The following ARHGEF40 variants were observed in gnomAD, a reference collection of about 807,000 sequenced individuals.
The protein encoded by ARHGEF40 is Rho guanine nucleotide exchange factor (GEF) 40.
A neutral mutation model predicts 165.9 loss-of-function variants in ARHGEF40; 98 were observed. The observed-to-expected ratio is 0.59, with a 90% confidence interval of 0.50 to 0.70. ARHGEF40 has a LOEUF of 0.70. ARHGEF40 is among the 30% of genes least tolerant of loss of function. ARHGEF40 has a pLI of 0.00. For missense variants in ARHGEF40, 1,815 were observed against 1,968.0 expected (o/e 0.92, Z 1.47); for synonymous variants, 792 against 814.3 (o/e 0.97, Z 0.47).
Position 21,088,032 on chromosome 14 carries a change from AC to A in ARHGEF40, c.4459del (p.His1487ThrfsTer15). ...PGPRNSPSLQPPHPGSSTPTL... is the reference protein window; with the variant it reads ...PGPRNSPSLQXPHPGSSTPTL... ...GACCAAGAAACAGCCCCAGCCTGCA[AC>A]CCCCCCACCCTGGGAGCAGCACTCC... On this transcript the variant is annotated frameshift_variant, in exon 22 of 24. Coordinates refer to ENST00000298694, the MANE Select transcript of ARHGEF40 (RefSeq NM_018071.5). LOFTEE classifies it high-confidence loss of function. The A allele has an allele frequency of 1.9e-6, 3 of 1,612,902 alleles. No individual in the cohort carries two copies. Among genetic ancestry groups the A allele is most frequent in the South Asian group, 2.2e-5 (2 of 90,976 alleles).
chr14:21,078,818 C>T, intron 10 of ARHGEF40, 66 bp from the exon 11 acceptor site: 1 of 1,577,982 alleles, frequency 6.3e-7, no homozygotes, highest in Non-Finnish European at 8.7e-7. Flanking sequence ...CCCTCAGAGG[C>T]ACGGAAGGAC....
intron 11 of ARHGEF40, among the ~76,000 whole-genome samples, chr14:21,080,226 ACACACAC>A (rs1887776385): frequency 7.3e-6 from 1 of 137,666 alleles, no homozygotes; most frequent in African/African-American, 2.6e-5. Flanking sequence ...ACACACACAC[ACACACAC>A]ACACACACAC....
chr14:21,078,482 G>C lies in ARHGEF40; in HGVS notation c.2240G>C (p.Ser747Thr). 2 of 1,584,122 alleles carry C rather than the reference G, an allele frequency of 1.3e-6. No homozygotes were observed. Among genetic ancestry groups the C allele is most frequent in the Admixed American group, 3.5e-5 (2 of 56,672 alleles). The change falls in exon 10 of 24, where the codon AGC (serine) becomes ACC (threonine). Residue 747 changes from serine (S) to threonine (T), a missense_variant. Transcript: ENST00000298694. The part of the protein sequence containing the change: ...AILMRLRSTP[S>T]SKLEGQGPAT... ...CTGATGAGGCTGCGCTCCACTCCCAGCAGCAAGTACGAAGTATGGGTGTGC... is the reference window on the plus strand; with the variant it reads ...CTGATGAGGCTGCGCTCCACTCCCACCAGCAAGTACGAAGTATGGGTGTGC...
rs150111494 is a variant in ARHGEF40, at chr14:21,072,666, C to T, written c.4-379C>T. Among the ~76,000 whole-genome samples the T allele has an allele frequency of 3.3e-5, 5 of 152,158 alleles. No individual in the cohort carries two copies. The highest frequency in any genetic ancestry group is 2.1e-4 in the South Asian group (1 of 4,828). On this transcript the variant is annotated intron_variant, in intron 1 of 23. Transcript: ENST00000298694. The surrounding 1 kb of genome is among the most constrained non-coding windows in gnomAD (Gnocchi z 4.1). ...TGTGTGGAAATCTCCCTCATCCCCT[C>T]GAGTTCTCAGCCATAAGCTCAGTCC...
the ARHGEF40 span, among the ~76,000 whole-genome samples, chr14:21,062,812 G>T: frequency 4.0e-5 from 6 of 150,522 alleles, no homozygotes; most frequent in African/African-American, 1.5e-4. Context: ...TGCGATCTCA[G>T]CTCACTGCAA....
rs761805250 is a variant in ARHGEF40, at chr14:21,075,433, G to A, written c.1552G>A (p.Val518Ile). The A allele has an allele frequency of 1.6e-5, 26 of 1,614,112 alleles. No homozygotes were observed. Among genetic ancestry groups the A allele is most frequent in the African/African-American group, 2.7e-5 (2 of 74,938 alleles). The part of the protein sequence containing the change: ...GDNIPEEALA[V>I]SVSDHPDVAW... ...CAACATTCCAGAAGAGGCCCTTGCA[G>A]TCTCCGTCTCTGATCACCCTGATGT... Residue 518 changes from valine to isoleucine, a missense_variant, in exon 4 of 24, where the codon GTC (valine) becomes ATC (isoleucine). Transcript: ENST00000298694. The surrounding 1 kb of genome is among the most constrained non-coding windows in gnomAD (Gnocchi z 4.5).
chr14:21,081,064 C>A (rs1887853205), intron 13 of ARHGEF40, 48 bp downstream of exon 13: 1 of 1,575,130 alleles, frequency 6.3e-7, no homozygotes, highest in Non-Finnish European at 8.6e-7. Flanking sequence ...TCCATTTATT[C>A]ACTTCCTTTC....
At position 21,078,180 on chromosome 14, in the gene ARHGEF40, G is replaced by T. The variant is rs78341318; in HGVS notation, c.2038G>T (p.Val680Leu). The T allele has an allele frequency of 1.9e-6, 3 of 1,611,546 alleles. No homozygotes were observed. In the African/African-American group the frequency reaches 4.0e-5, roughly 22 times the overall value. ...CATCCCTGCATGTGGGTTTCAGGAA[G>T]TGGTAAGGCTATGTCGCCTGTGCCA... ...PSHWVEIHQE[V>L]VRLCRLCQGV... is the part of the protein sequence containing the mutation. Residue 680 changes from valine (V) to leucine (L), a missense_variant, in exon 9 of 24, where the codon GTG becomes TTG. Coordinates refer to ENST00000298694, the MANE Select transcript of ARHGEF40 (RefSeq NM_018071.5).
At position 21,070,678 on chromosome 14, in the gene ARHGEF40, C is replaced by T; in HGVS notation, c.3+279C>T. The T allele has an allele frequency of 1.1e-6, 1 of 942,240 alleles. No individual in the cohort carries two copies. Among genetic ancestry groups the T allele is most frequent in the Non-Finnish European group, 1.6e-6 (1 of 634,812 alleles). 58.4% of individuals were successfully genotyped at this position (942,240 alleles called of 1,614,324 possible). A position where few individuals can be genotyped will look rare whatever the true frequency, so the allele number is the denominator to read the frequency against. Reference sequence around the variant, plus strand: ...CCCCTAATCCACACACCTCCCCGCTCCCCGCCCTCCTCTGTCCTGACCTGT... The same window carrying T: ...CCCCTAATCCACACACCTCCCCGCTTCCCGCCCTCCTCTGTCCTGACCTGT... On this transcript the variant is annotated intron_variant, in intron 1 of 23. Transcript: ENST00000298694. This position sits in a 1 kb window ranked among gnomAD's most constrained non-coding sequence, Gnocchi z 4.7.
the ARHGEF40 span, among the ~76,000 whole-genome samples, chr14:21,062,247 T>G: frequency 6.6e-6 from 1 of 152,256 alleles, no homozygotes; most frequent in Admixed American, 6.5e-5. Context: ...CTATGATATT[T>G]TCATCTGTAC....
At chr14:21,083,763 C>G in intron 16 of ARHGEF40, 72 bp from the exon 17 acceptor site, 1 of 1,420,958 alleles carries the variant, frequency 7.0e-7, no homozygotes, top group Non-Finnish European at 9.6e-7. Context: ...CACCCACCTA[C>G]CCCCCAACCC....
In ARHGEF40 at chr14:21,081,631, G is replaced by C. The variant is rs1428336864; in HGVS notation, c.2763G>C (p.Glu921Asp). 1.2e-6 allele frequency: 2 copies of C among 1,610,178 alleles called. No homozygotes were observed. Among genetic ancestry groups the C allele is most frequent in the African/African-American group, 2.7e-5 (2 of 75,000 alleles). ...APEPSAGTFQ[E>D]MRALALDLGS... ...AGCCCAGTGCCGGCACCTTCCAGGA[G>C]ATGCGGGCCCTGGCCCTGGACCTGG... Residue 921 changes from glutamate (E) to aspartate (D), a missense_variant, in exon 14 of 24, where the codon GAG becomes GAC. Coordinates refer to ENST00000298694, the MANE Select transcript of ARHGEF40 (RefSeq NM_018071.5).
intron 16 of ARHGEF40, among the ~76,000 whole-genome samples, chr14:21,083,141 C>T (rs929209927): frequency 6.6e-6 from 1 of 152,166 alleles, no homozygotes; most frequent in Non-Finnish European, 1.5e-5. Flanking sequence ...CTCTGGGCCT[C>T]TATTTCCACA....
the ARHGEF40 span, among the ~76,000 whole-genome samples, chr14:21,064,271 A>G: frequency 5.9e-5 from 9 of 152,268 alleles, no homozygotes; most frequent in South Asian, 1.9e-3. Flanking sequence ...GAGAGTGACT[A>G]AATGAATAGT....
chr14:21,088,975 C>G (rs1888618068), intron 23 of ARHGEF40, 39 bp from the exon 24 acceptor site: 3 of 1,190,520 alleles, frequency 2.5e-6, no homozygotes, highest in South Asian at 2.7e-5. Context: ...AGCTTCTTCC[C>G]TCTCCCAACT....
chr14:21,083,783 GC>G, intron 16 of ARHGEF40, 51 bp from the exon 17 acceptor site: 1 of 1,553,924 alleles, frequency 6.4e-7, no homozygotes, highest in African/African-American at 1.4e-5. Context: ...CCTGAGCTTG[GC>G]CCCCAGAGGC....
intron 22 of ARHGEF40, among the ~76,000 whole-genome samples, chr14:21,088,621 G>A (rs1429249255): frequency 6.6e-6 from 1 of 152,136 alleles, no homozygotes; most frequent in Non-Finnish European, 1.5e-5. Context: ...AGGAGGTTGA[G>A]ACTTCAGTGA....
chr14:21,078,528 G>A lies in ARHGEF40; in HGVS notation c.2246+40G>A, dbSNP rs376598128. ...TGTGCGGAGGCAGGTGGAAGTGGGA[G>A]GTGGAGACACAGCTGAAGGCTGCCA... On this transcript the variant is annotated intron_variant, in intron 10 of 23. Coordinates refer to ENST00000298694, the MANE Select transcript of ARHGEF40 (RefSeq NM_018071.5). 4.7e-4 allele frequency: 720 copies of A among 1,524,586 alleles called. 3 individuals are homozygous for A. The highest frequency in any genetic ancestry group is 2.8e-3 in the Admixed American group (139 of 49,652). 94.4% of individuals were successfully genotyped at this position (1,524,586 alleles called of 1,614,324 possible).
chr14:21,071,933 G>A (rs894175607), intron 1 of ARHGEF40, among the ~76,000 whole-genome samples: 1 of 152,234 alleles, frequency 6.6e-6, no homozygotes, highest in African/African-American at 2.4e-5. Context: ...AGACAAACGG[G>A]CAACTCTGGA....
Sources: allele counts gnomAD v4.1 joint callset (sites outside exome capture counted in the v4.1 genomes callset), GRCh38; gene constraint gnomAD v4.1.1; non-coding constraint Gnocchi (gnomAD v3.1); transcripts MANE v1.5; gene names NCBI Gene and HGNC (gene_info 2026-07-23, HGNC 2026-07-21).